RIGI: variants seen among roughly 807,000 people sequenced by gnomAD.
RIGI encodes RNA sensor RIG-I.
chr9:32,492,657 T>A, the RIGI span: 2 of 1,151,130 alleles, frequency 1.7e-6, no homozygotes, highest in Non-Finnish European at 2.5e-6. Flanking sequence ...ACATTACAGC[T>A]CAGTGGGTCA....
At chr9:32,477,116 A>C in the RIGI span, 1 of 1,613,156 alleles carries the variant, frequency 6.2e-7, no homozygotes, top group Non-Finnish European at 8.5e-7. Context: ...AACACTTTCT[A>C]GTTCCTGCAG....
chr9:32,474,398 A>T, the RIGI span, among the ~76,000 whole-genome samples: 5 of 152,158 alleles, frequency 3.3e-5, no homozygotes, highest in Non-Finnish European at 7.4e-5. Context: ...CTGTATTCAG[A>T]TCCTCATGTA....
chr9:32,509,766 A>G, the RIGI span, among the ~76,000 whole-genome samples: 1 of 152,110 alleles, frequency 6.6e-6, no homozygotes, highest in Non-Finnish European at 1.5e-5. Context: ...TAGGCTTCAG[A>G]AGGTGGGTAA....
the RIGI span, chr9:32,481,304 GTGAC>G: frequency 6.3e-7 from 1 of 1,598,200 alleles, no homozygotes; most frequent in Non-Finnish European, 8.5e-7. Flanking sequence ...AGTAGGTGCT[GTGAC>G]CAGAATACGA....
At chr9:32,515,201 A>C in the RIGI span, among the ~76,000 whole-genome samples, 1 of 151,852 alleles carries the variant, frequency 6.6e-6, no homozygotes, top group African/African-American at 2.4e-5. Context: ...GGAGTTCGAG[A>C]CCAGCCTGAC....
chr9:32,504,020 T>G, the RIGI span, among the ~76,000 whole-genome samples: 3 of 85,846 alleles, frequency 3.5e-5, no homozygotes, highest in Admixed American at 1.1e-4. Flanking sequence ...CCAGCCTGGG[T>G]AATAGAGCAA....
chr9:32,469,907 T>C, the RIGI span, among the ~76,000 whole-genome samples: 52,242 of 152,038 alleles, frequency 0.34, 9,425 homozygotes, highest in East Asian at 0.72. Context: ...CTCAGGCAGG[T>C]AGAGCAAGGT....
chr9:32,489,317 C>A, the RIGI span: 1 of 1,513,998 alleles, frequency 6.6e-7, no homozygotes, highest in South Asian at 1.2e-5. Context: ...AACAGAAAAA[C>A]TATGTAAGTA....
At chr9:32,526,104 G>A in the RIGI span, 1 of 1,613,958 alleles carries the variant, frequency 6.2e-7, no homozygotes, top group Non-Finnish European at 8.5e-7. Context: ...TGTAGGTAGG[G>A]TCCAGGGTCT....
the RIGI span, among the ~76,000 whole-genome samples, chr9:32,524,596 GTTTTT>G: frequency 1.6e-3 from 110 of 67,566 alleles, no homozygotes; most frequent in African/African-American, 5.8e-3. Context: ...TTGTTTTTCG[GTTTTT>G]TTTTTTTTTT....
At chr9:32,521,153 A>AAAAAAAAAAAAG in the RIGI span, among the ~76,000 whole-genome samples, 1 of 150,494 alleles carries the variant, frequency 6.6e-6, no homozygotes, top group Non-Finnish European at 1.5e-5. Context: ...AAAAAAAAAA[A>AAAAAAAAAAAAG]AAAAAAAAAC....
At chr9:32,514,763 G>A in the RIGI span, among the ~76,000 whole-genome samples, 1 of 152,006 alleles carries the variant, frequency 6.6e-6, no homozygotes, top group Non-Finnish European at 1.5e-5. Flanking sequence ...TTACCTTTGT[G>A]GACAAATTTA....
chr9:32,492,980 G>C, the RIGI span, among the ~76,000 whole-genome samples: 222 of 152,212 alleles, frequency 1.5e-3, 1 homozygote, highest in African/African-American at 5.1e-3. Context: ...CTCTGTGCAA[G>C]ACATACATGA....
the RIGI span, chr9:32,477,149 T>C: frequency 1.2e-6 from 2 of 1,611,366 alleles, no homozygotes; most frequent in Non-Finnish European, 1.7e-6. Context: ...TGGGAAACAT[T>C]TTATAAATGG....
chr9:32,462,037 A>G, the RIGI span, among the ~76,000 whole-genome samples: 135 of 152,228 alleles, frequency 8.9e-4, no homozygotes, highest in African/African-American at 3.1e-3. Flanking sequence ...TTCTGCTTCA[A>G]ACTTTTCTGA....
At chr9:32,485,379 T>C in the RIGI span, 2 of 815,722 alleles carry the variant, frequency 2.5e-6, no homozygotes, top group Non-Finnish European at 2.0e-6. Context: ...AACCTTTCTC[T>C]GCCTTTGATA....
At chr9:32,494,069 C>T in the RIGI span, 1 of 702,568 alleles carries the variant, frequency 1.4e-6, no homozygotes, top group East Asian at 3.0e-5. Context: ...AAATTACCCC[C>T]AATTGTCATT....
At chr9:32,473,092 G>A in the RIGI span, 1 of 1,473,846 alleles carries the variant, frequency 6.8e-7, no homozygotes, top group Non-Finnish European at 9.4e-7. Flanking sequence ...ATTATCAATT[G>A]GACACTCCTT....
At chr9:32,502,691 A>T in the RIGI span, among the ~76,000 whole-genome samples, 1 of 152,176 alleles carries the variant, frequency 6.6e-6, no homozygotes, top group Non-Finnish European at 1.5e-5. Context: ...TCTGGGGAGA[A>T]TGCATTCCTT....
Sources: allele counts gnomAD v4.1 joint callset (sites outside exome capture counted in the v4.1 genomes callset), GRCh38; gene constraint gnomAD v4.1.1; transcripts MANE v1.5; gene names NCBI Gene and HGNC (gene_info 2026-07-23, HGNC 2026-07-21).